Variants in BRD10 observed in about 807,000 individuals in gnomAD.
The protein encoded by BRD10 is bromodomain containing 10, also known as uncharacterized bromodomain-containing protein 10.
the BRD10 span, among the ~76,000 whole-genome samples, chr9:5,914,417 T>C: frequency 9.2e-6 from 1 of 108,710 alleles, no homozygotes; most frequent in Non-Finnish European, 1.9e-5. Flanking sequence ...ATGGTTTTTT[T>C]TTTTTTTTTT....
the BRD10 span, among the ~76,000 whole-genome samples, chr9:5,972,687 C>G: frequency 1.3e-5 from 2 of 152,196 alleles, no homozygotes; most frequent in Admixed American, 6.5e-5. Flanking sequence ...TAGAAGCAGT[C>G]TGAGGCATTC....
the BRD10 span, among the ~76,000 whole-genome samples, chr9:5,997,894 C>G: frequency 2.6e-5 from 4 of 152,150 alleles, no homozygotes; most frequent in East Asian, 7.7e-4. Context: ...TAAGCACACA[C>G]AATACATAAT....
At chr9:5,915,144 G>C in the BRD10 span, among the ~76,000 whole-genome samples, 3 of 151,992 alleles carry the variant, frequency 2.0e-5, no homozygotes, top group African/African-American at 7.3e-5. Context: ...AAAAATAAAA[G>C]TTTTCCCTTA....
the BRD10 span, among the ~76,000 whole-genome samples, chr9:5,888,256 T>C: frequency 6.6e-6 from 1 of 152,232 alleles, no homozygotes. Flanking sequence ...CTGTCCAAGA[T>C]AGATCATGAT....
the BRD10 span, among the ~76,000 whole-genome samples, chr9:5,939,227 T>C: frequency 6.6e-6 from 1 of 152,170 alleles, no homozygotes; most frequent in Non-Finnish European, 1.5e-5. Context: ...CGTAGTTTTA[T>C]AACATAATTA....
chr9:5,985,010 G>A, the BRD10 span, among the ~76,000 whole-genome samples: 3 of 150,248 alleles, frequency 2.0e-5, no homozygotes, highest in Non-Finnish European at 4.4e-5. Context: ...TTAATTTCAA[G>A]ACTTACTGTA....
chr9:5,908,728 G>A, the BRD10 span: 4 of 1,603,776 alleles, frequency 2.5e-6, no homozygotes, highest in Non-Finnish European at 3.4e-6. Context: ...AGACACCTGA[G>A]ACATGCTGAA....
the BRD10 span, among the ~76,000 whole-genome samples, chr9:5,948,131 A>G: frequency 6.6e-6 from 1 of 152,160 alleles, no homozygotes; most frequent in African/African-American, 2.4e-5. Flanking sequence ...CTACAAAATC[A>G]CAGATCTCAG....
At chr9:5,949,330 G>C in the BRD10 span, among the ~76,000 whole-genome samples, 1 of 152,094 alleles carries the variant, frequency 6.6e-6, no homozygotes, top group African/African-American at 2.4e-5. Flanking sequence ...CTGCACTCCA[G>C]TCTGGCGGCA....
At chr9:5,945,455 C>CTATA in the BRD10 span, among the ~76,000 whole-genome samples, 1 of 152,088 alleles carries the variant, frequency 6.6e-6, no homozygotes, top group African/African-American at 2.4e-5. Flanking sequence ...AGGACTGCAA[C>CTATA]TATATGTAAC....
chr9:5,971,721 T>C, the BRD10 span, among the ~76,000 whole-genome samples: 2 of 152,280 alleles, frequency 1.3e-5, no homozygotes, highest in East Asian at 3.9e-4. Flanking sequence ...CTTAGAGTTT[T>C]ATGGAGTTTT....
At chr9:5,921,986 G>C in the BRD10 span, 1 of 1,613,840 alleles carries the variant, frequency 6.2e-7, no homozygotes, top group Non-Finnish European at 8.5e-7. Context: ...AGTTGTTCCA[G>C]CTACAGGTGA....
chr9:5,967,833 G>A, the BRD10 span, among the ~76,000 whole-genome samples: 1 of 151,984 alleles, frequency 6.6e-6, no homozygotes, highest in Non-Finnish European at 1.5e-5. Context: ...TTTGTTGTAA[G>A]TATATAAAAT....
At chr9:5,993,519 G>T in the BRD10 span, among the ~76,000 whole-genome samples, 1 of 152,130 alleles carries the variant, frequency 6.6e-6, no homozygotes, top group African/African-American at 2.4e-5. Flanking sequence ...AAGGGATAGT[G>T]AAGCACTCCA....
the BRD10 span, among the ~76,000 whole-genome samples, chr9:5,993,248 G>C: frequency 6.7e-6 from 1 of 149,630 alleles, no homozygotes; most frequent in African/African-American, 2.5e-5. Context: ...CTGGGAGACG[G>C]AGGCTGCAGT....
At chr9:5,938,597 T>C in the BRD10 span, among the ~76,000 whole-genome samples, 14 of 152,272 alleles carry the variant, frequency 9.2e-5, no homozygotes, top group African/African-American at 3.1e-4. Flanking sequence ...ACACAGCACA[T>C]AGAAGACATT....
chr9:5,992,490 A>T, the BRD10 span, among the ~76,000 whole-genome samples: 1 of 151,574 alleles, frequency 6.6e-6, no homozygotes, highest in East Asian at 1.9e-4. Context: ...GTTGTCAAAT[A>T]ATCAATGGCC....
the BRD10 span, among the ~76,000 whole-genome samples, chr9:5,904,791 T>G: frequency 6.9e-6 from 1 of 145,322 alleles, no homozygotes; most frequent in Admixed American, 6.8e-5. Context: ...TTTTTTTTTT[T>G]GAGACGGAGT....
chr9:5,969,076 C>G, the BRD10 span: 2 of 1,613,242 alleles, frequency 1.2e-6, no homozygotes, highest in Non-Finnish European at 1.7e-6. Context: ...TTTCAGTTTG[C>G]CCTACAGCAG....
Sources: gnomAD v4.1 joint callset for allele counts (sites outside exome capture counted in the v4.1 genomes callset) on GRCh38, gnomAD v4.1.1 for gene constraint, MANE v1.5 for transcripts, NCBI Gene and HGNC (gene_info 2026-07-23, HGNC 2026-07-21) for gene names.